Variants in INSL6 observed in about 807,000 individuals in gnomAD.
The protein encoded by INSL6 is insulin like 6, also known as insulin-like peptide INSL6.
A neutral mutation model predicts 9.4 loss-of-function variants in INSL6; 16 were observed. That is an observed-to-expected ratio of 1.70 (90% confidence interval 1.15 to 2.59). INSL6 has a LOEUF of 2.59. INSL6 is among the 30% of genes most tolerant of loss of function. The pLI, the probability that INSL6 is intolerant of heterozygous loss-of-function variation, is 0.00. For synonymous variants in INSL6, 154 were observed against 96.9 expected (o/e 1.59, Z -3.46); for missense variants, 391 against 257.3 (o/e 1.52, Z -3.56).
the INSL6 span, chr9:5,029,718 T>C: frequency 4.4e-6 from 6 of 1,373,104 alleles, no homozygotes; most frequent in Non-Finnish European, 5.9e-6. Flanking sequence ...TTTCAAATTA[T>C]AGGTGCTATG....
chr9:5,048,454 T>C, the INSL6 span, among the ~76,000 whole-genome samples: 2 of 152,202 alleles, frequency 1.3e-5, no homozygotes, highest in Admixed American at 6.5e-5. Flanking sequence ...CTACTAGTTC[T>C]ATAGGGAACC....
At chr9:5,020,728 C>T in the INSL6 span, among the ~76,000 whole-genome samples, 2 of 152,132 alleles carry the variant, frequency 1.3e-5, no homozygotes, top group East Asian at 3.9e-4. Context: ...TATATGGCAG[C>T]CCTTCTGCTG....
chr9:5,131,801 A>G (rs1385712764), intron 3 of INSL6, among the ~76,000 whole-genome samples: 3 of 152,134 alleles, frequency 2.0e-5, no homozygotes, highest in African/African-American at 7.2e-5. Context: ...GGCTGTAGGG[A>G]GCCCACAGCT....
the INSL6 span, among the ~76,000 whole-genome samples, chr9:5,007,270 T>G: frequency 6.6e-6 from 1 of 152,160 alleles, no homozygotes; most frequent in Non-Finnish European, 1.5e-5. Flanking sequence ...TATACACTTT[T>G]ACTGCGTTTT....
chr9:5,085,610 A>C, the INSL6 span: 3 of 699,886 alleles, frequency 4.3e-6, no homozygotes, highest in Non-Finnish European at 2.7e-6. Context: ...GAAAGAATTA[A>C]ATCTCCAGCA....
At chr9:5,004,548 T>A in the INSL6 span, among the ~76,000 whole-genome samples, 1 of 152,202 alleles carries the variant, frequency 6.6e-6, no homozygotes, top group Non-Finnish European at 1.5e-5. Context: ...TGATGGACAC[T>A]TAGGTTGATT....
At chr9:5,004,569 G>A in the INSL6 span, among the ~76,000 whole-genome samples, 19 of 151,912 alleles carry the variant, frequency 1.3e-4, no homozygotes. Flanking sequence ...CTTTATCTTG[G>A]CTATTAAGAA....
At chr9:5,062,757 T>C in the INSL6 span, among the ~76,000 whole-genome samples, 1 of 152,128 alleles carries the variant, frequency 6.6e-6, no homozygotes, top group Non-Finnish European at 1.5e-5. Flanking sequence ...TTAATTTTTC[T>C]GCCAAATCAA....
At chr9:5,042,588 C>A in the INSL6 span, among the ~76,000 whole-genome samples, 1 of 137,572 alleles carries the variant, frequency 7.3e-6, no homozygotes, top group Non-Finnish European at 1.6e-5. Flanking sequence ...TCCTGGAGGC[C>A]CCCAGGGCTG....
At chr9:5,116,636 C>CTAATAA in the INSL6 span, among the ~76,000 whole-genome samples, 2 of 152,172 alleles carry the variant, frequency 1.3e-5, no homozygotes, top group African/African-American at 2.4e-5. Context: ...TGAATACAAG[C>CTAATAA]TAATAAATAT....
At chr9:5,015,574 A>T in the INSL6 span, among the ~76,000 whole-genome samples, 1 of 144,090 alleles carries the variant, frequency 6.9e-6, no homozygotes. Context: ...TCACTTTGTT[A>T]CTCAGGTTGG....
the INSL6 span, chr9:5,072,451 C>A: frequency 2.1e-6 from 3 of 1,444,356 alleles, no homozygotes; most frequent in Non-Finnish European, 1.8e-6. Context: ...CTTCGTTCTC[C>A]ATCTTTACTC....
At chr9:5,165,238 C>A (rs1055452236) in intron 1 of INSL6, among the ~76,000 whole-genome samples, 1 of 152,148 alleles carries the variant, frequency 6.6e-6, no homozygotes, top group Non-Finnish European at 1.5e-5. Flanking sequence ...AATAGTGCTG[C>A]TATGAGCATT....
chr9:5,176,240 C>T (rs887328064), intron 1 of INSL6, among the ~76,000 whole-genome samples: 1 of 152,188 alleles, frequency 6.6e-6, no homozygotes, highest in Non-Finnish European at 1.5e-5. Flanking sequence ...AATTCCCTTA[C>T]CACTTCTTTT....
At chr9:5,049,137 T>A in the INSL6 span, among the ~76,000 whole-genome samples, 1 of 152,170 alleles carries the variant, frequency 6.6e-6, no homozygotes, top group Non-Finnish European at 1.5e-5. Context: ...CTGGATCAGA[T>A]CCTTATTATT....
At position 5,185,594 on chromosome 9, in the gene INSL6, C is replaced by T. The variant is rs1284134686; in HGVS notation, c.9G>A (p.Arg3=). Residue 3 remains arginine (R), a synonymous_variant, in exon 1 of 2, where the codon CGG becomes CGA. Coordinates refer to ENST00000381641, the MANE Select transcript of INSL6 (RefSeq NM_007179.3). MP[R]LLRLSLLWLG... is the part of the protein sequence containing the mutation. ...GCCACAGCAGGGACAAGCGGAGGAG[C>T]CGCGGCATCCCTGTGACCCCAGGCT... The T allele has an allele frequency of 1.2e-6, 2 of 1,611,984 alleles. No homozygotes were observed. The highest frequency in any genetic ancestry group is 1.7e-5 in the Admixed American group (1 of 59,868).
chr9:5,167,627 G>A (rs553625048), intron 1 of INSL6, among the ~76,000 whole-genome samples: 1 of 152,318 alleles, frequency 6.6e-6, no homozygotes, highest in Admixed American at 6.5e-5. Flanking sequence ...CCTGAGAAGA[G>A]GCTCTAGGAG....
chr9:5,134,947 C>T (rs1252338284), intron 2 of INSL6, among the ~76,000 whole-genome samples: 1 of 152,120 alleles, frequency 6.6e-6, no homozygotes, highest in Non-Finnish European at 1.5e-5. Context: ...ACCCAGCTCA[C>T]ATGCAAAGAC....
At position 5,176,063 on chromosome 9, in the gene INSL6, C is replaced by A. The variant is rs145770262; in HGVS notation, c.289+9251G>T. Among the ~76,000 whole-genome samples, 4 of 152,262 alleles carry A rather than the reference C, an allele frequency of 2.6e-5. No individual in the cohort carries two copies. The East Asian group carries it at 7.7e-4, about 29-fold the overall frequency. On this transcript the variant is annotated intron_variant, in intron 1 of 1. Coordinates refer to ENST00000381641, the MANE Select transcript of INSL6 (RefSeq NM_007179.3). ...ACTGGCCTAAAATACCCTATTTTATCATGTCTGCCTATTACCTCTCCTACC... is the reference window on the plus strand; with the variant it reads ...ACTGGCCTAAAATACCCTATTTTATAATGTCTGCCTATTACCTCTCCTACC...
Sources: allele counts gnomAD v4.1 joint callset (sites outside exome capture counted in the v4.1 genomes callset), GRCh38; gene constraint gnomAD v4.1.1; transcripts MANE v1.5; gene names NCBI Gene and HGNC (gene_info 2026-07-23, HGNC 2026-07-21).